The following ANKFN1 variants were observed in gnomAD, a reference collection of about 807,000 sequenced individuals.
The protein encoded by ANKFN1 is ankyrin repeat and fibronectin type III domain containing 1.
Under a neutral mutation model 108.7 loss-of-function variants are expected in ANKFN1, and 74 were observed. That is an observed-to-expected ratio of 0.68 (90% CI 0.56 to 0.83). The LOEUF (loss-of-function observed/expected upper bound fraction) is 0.83, where lower values mean the gene tolerates loss of function less well. ANKFN1 is among the 40% of genes least tolerant of loss of function. The probability of loss-of-function intolerance (pLI) is 0.00; values close to 1 mark genes in which losing one functional copy is unlikely to be tolerated. For missense variants in ANKFN1, 1,505 were observed against 1,382.3 expected (o/e 1.09, Z -1.41); for synonymous variants, 547 against 516.2 (o/e 1.06, Z -0.81).
intron 20 of ANKFN1, among the ~76,000 whole-genome samples, chr17:56,508,935 GAATTAAATATCTCTGCCCCAAGAGT>G (rs1192186623): frequency 1.3e-5 from 2 of 152,142 alleles, no homozygotes; most frequent in Non-Finnish European, 1.5e-5. Context: ...ATGAATGGAT[GAATTAAATATCTCTGCCCCAAGAGT>G]AATTAAATAT....
rs575476846 is a variant in ANKFN1, at chr17:56,484,892, G to A, written c.2260+2368G>A. ...TTTGGTGGGGACAATCTACAACTTG[G>A]TATCAATCGTTATAATATACGTGAC... is the stretch of plus-strand genomic sequence containing the variant. On this transcript the variant is annotated intron_variant, in intron 18 of 20. Transcript: ENST00000682825. Among the ~76,000 whole-genome samples, 4 of 152,208 alleles carry A rather than the reference G, an allele frequency of 2.6e-5. No homozygotes were observed. The South Asian group carries it at 6.2e-4, about 24-fold the overall frequency.
In ANKFN1 at chr17:56,448,278, G is replaced by GA. The variant is rs150553469; in HGVS notation, c.1100-791dup. On this transcript the variant is annotated intron_variant, in intron 10 of 20. Transcript: ENST00000682825. The stretch of plus-strand genomic sequence containing the variant: ...TGGACTCTGAAATGACTGACCTGCT[G>GA]AAAAAAAAAACAAAAAAACAAGAGT... 5.8e-4 allele frequency among the ~76,000 whole-genome samples: 82 copies of GA among 142,202 alleles called. 1 individual carries two copies. Among genetic ancestry groups the GA allele is most frequent in the Admixed American group, 1.1e-3 (16 of 14,158 alleles). 93.3% of individuals were successfully genotyped at this position (142,202 alleles called of 152,430 possible).
At chr17:56,380,631 A>G (rs1019143229) in intron 8 of ANKFN1, among the ~76,000 whole-genome samples, 2 of 152,224 alleles carry the variant, frequency 1.3e-5, no homozygotes, top group Non-Finnish European at 2.9e-5. Flanking sequence ...CCAGGAGATT[A>G]TATCCCACAC....
At chr17:56,348,493 T>G (rs966658665) in intron 4 of ANKFN1, among the ~76,000 whole-genome samples, 1 of 152,072 alleles carries the variant, frequency 6.6e-6, no homozygotes, top group Non-Finnish European at 1.5e-5. Flanking sequence ...GGGCAAAATA[T>G]TTGCAAACCA....
intron 8 of ANKFN1, among the ~76,000 whole-genome samples, 198 bp downstream of exon 8, chr17:56,374,912 G>T (rs1192746895): frequency 6.6e-6 from 1 of 152,216 alleles, no homozygotes; most frequent in Admixed American, 6.5e-5. Context: ...CAGAAAGGAA[G>T]AACCACAAGA....
chr17:56,297,855 C>T (rs146462290), intron 3 of ANKFN1, among the ~76,000 whole-genome samples: 170 of 152,288 alleles, frequency 1.1e-3, no homozygotes, highest in African/African-American at 3.9e-3. Flanking sequence ...AAAAACTGTA[C>T]AACACTGGGG....
chr17:56,052,099 C>A (rs1014323849), intron 4 of ANKFN1, among the ~76,000 whole-genome samples: 1 of 151,698 alleles, frequency 6.6e-6, no homozygotes, highest in African/African-American at 2.4e-5. Context: ...CAAAAAAGAG[C>A]CCGCATTGCC....
In ANKFN1 at chr17:56,080,944, C is replaced by G. The variant is rs565457489; in HGVS notation, c.288+34619C>G. On this transcript the variant is annotated intron_variant, in intron 4 of 12. Transcript: ENST00000635860. ...ACGCAATCCCTCCCCAGAAACTGCC[C>G]TCTGTCAAAGGGGGCTGCCTCCTCC... 1.8e-4 allele frequency among the ~76,000 whole-genome samples: 28 copies of G among 152,302 alleles called. No individual in the cohort carries two copies. In the South Asian group the frequency reaches 4.8e-3, roughly 26 times the overall value.
intron 3 of ANKFN1, among the ~76,000 whole-genome samples, chr17:56,305,915 C>A (rs770240725): frequency 6.6e-6 from 1 of 152,060 alleles, no homozygotes; most frequent in African/African-American, 2.4e-5. Context: ...ACGGTACTAC[C>A]TTTTCTATGT....
chr17:56,154,314 C>A (rs1908881017), intron 1 of ANKFN1, among the ~76,000 whole-genome samples: 1 of 152,152 alleles, frequency 6.6e-6, no homozygotes, highest in Non-Finnish European at 1.5e-5. Flanking sequence ...GGAACTTATT[C>A]AGCTACTTCA....
At chr17:56,221,287 T>TTAAGTCCAAC (rs369028126) in intron 2 of ANKFN1, among the ~76,000 whole-genome samples, 18,912 of 152,144 alleles carry the variant, frequency 0.12, 1,597 homozygotes, top group African/African-American at 0.23. Flanking sequence ...CACTGGAGAT[T>TTAAGTCCAAC]ACATTTAAAC....
At chr17:56,145,680 CAT>C (rs1908214546) in intron 4 of ANKFN1, among the ~76,000 whole-genome samples, 2 of 152,194 alleles carry the variant, frequency 1.3e-5, no homozygotes, top group South Asian at 4.1e-4. Context: ...TGGGTGGACA[CAT>C]AGCCAAACCA....
At position 56,507,420 on chromosome 17, in the gene ANKFN1, A is replaced by C. The variant is rs1013905372; in HGVS notation, c.2645-3053A>C. ...ATCTTTCTCACTAAGCACCAATGCCAGCACTGGTGCTCACAATTGATCACC... is the reference window on the plus strand; with the variant it reads ...ATCTTTCTCACTAAGCACCAATGCCCGCACTGGTGCTCACAATTGATCACC... On this transcript the variant is annotated intron_variant, in intron 20 of 20. Transcript: ENST00000682825. Among the ~76,000 whole-genome samples the C allele has an allele frequency of 3.3e-5, 5 of 152,156 alleles. No homozygotes were observed. In the East Asian group the frequency reaches 9.6e-4, roughly 29 times the overall value.
intron 3 of ANKFN1, among the ~76,000 whole-genome samples, chr17:56,322,946 T>A (rs1485955028): frequency 6.6e-6 from 1 of 152,222 alleles, no homozygotes; most frequent in African/African-American, 2.4e-5. Flanking sequence ...TCATTTAATA[T>A]CTGCATATAA....
At position 56,326,396 on chromosome 17, in the gene ANKFN1, G is replaced by T. The variant is rs1025584376; in HGVS notation, c.188+41G>T. The stretch of plus-strand genomic sequence containing the variant: ...TGTTGTCTTTCTTCATGTGAATATG[G>T]AGCTTTCTTAATTACTGATTATTTT... On this transcript the variant is annotated intron_variant, in intron 4 of 20. Coordinates refer to ENST00000682825, the MANE Select transcript of ANKFN1 (RefSeq NM_001370326.1). 2.5e-6 allele frequency: 4 copies of T among 1,583,578 alleles called. No homozygotes were observed. In the African/African-American group the frequency reaches 5.5e-5, roughly 22 times the overall value.
intron 1 of ANKFN1, among the ~76,000 whole-genome samples, chr17:56,196,697 C>G (rs1913546387): frequency 2.0e-5 from 3 of 152,154 alleles, no homozygotes; most frequent in Non-Finnish European, 4.4e-5. Flanking sequence ...ACTATTAATG[C>G]ATGACTCCAC....
intron 4 of ANKFN1, among the ~76,000 whole-genome samples, chr17:56,127,086 A>C (rs1011247309): frequency 6.6e-6 from 1 of 152,222 alleles, no homozygotes; most frequent in Non-Finnish European, 1.5e-5. Flanking sequence ...GAGTGTAATC[A>C]TGAAATGGGT....
chr17:56,239,698 C>T (rs1917437149), intron 3 of ANKFN1, among the ~76,000 whole-genome samples: 1 of 152,102 alleles, frequency 6.6e-6, no homozygotes, highest in Non-Finnish European at 1.5e-5. Context: ...CATTTTCGCT[C>T]CTCTTTCCAC....
chr17:56,360,852 C>T (rs1367574938), intron 6 of ANKFN1, among the ~76,000 whole-genome samples: 1 of 152,086 alleles, frequency 6.6e-6, no homozygotes, highest in Non-Finnish European at 1.5e-5. Context: ...AATGTGATGA[C>T]TTGATATATG....
Sources: gnomAD v4.1 joint callset for allele counts (sites outside exome capture counted in the v4.1 genomes callset) on GRCh38, gnomAD v4.1.1 for gene constraint, MANE v1.5 for transcripts, NCBI Gene and HGNC (gene_info 2026-07-23, HGNC 2026-07-21) for gene names.